Variants in GALNT5 observed in about 807,000 individuals in gnomAD.
GALNT5 encodes polypeptide N-acetylgalactosaminyltransferase 5.
Under a neutral mutation model 85.4 loss-of-function variants are expected in GALNT5, and 72 were observed. The ratio of observed to expected loss-of-function variants is 0.84; its 90% CI spans 0.70 to 1.03. The LOEUF is 1.03. GALNT5 is among the 50% of genes least tolerant of loss of function. The pLI, the probability that GALNT5 is intolerant of heterozygous loss-of-function variation, is 0.00. For missense variants in GALNT5, 1,137 were observed against 1,135.5 expected (o/e 1.00, Z -0.02); for synonymous variants, 404 against 397.0 (o/e 1.02, Z -0.21).
chr2:157,317,178 A>ATG lies in GALNT5; in HGVS notation c.*5831_*5832insGT, dbSNP rs1683727352. 1.5e-5 allele frequency among the ~76,000 whole-genome samples: 2 copies of ATG among 137,264 alleles called. No homozygotes were observed. The highest frequency in any genetic ancestry group is 3.1e-5 in the Non-Finnish European group (2 of 64,576). 90.1% of individuals were successfully genotyped at this position (137,264 alleles called of 152,430 possible). A position where few individuals can be genotyped will look rare whatever the true frequency, so the allele number is the denominator to read the frequency against. On this transcript the variant is annotated 3_prime_UTR_variant, in exon 10 of 10. Coordinates refer to ENST00000259056, the MANE Select transcript of GALNT5 (RefSeq NM_014568.3). ...GTAAATATACTGTATGTGTGTGTAT[A>ATG]TATATATATATATATATATATTTTT... is the stretch of plus-strand genomic sequence containing the variant.
At position 157,296,523 on chromosome 2, in the gene GALNT5, G is replaced by C; in HGVS notation, c.1997+10G>C. ...AAACTGATACAATAAGGTAAGTGTGGGAAATTTAAGACTAGAAAGCAGTCA... is the reference window on the plus strand; with the variant it reads ...AAACTGATACAATAAGGTAAGTGTGCGAAATTTAAGACTAGAAAGCAGTCA... On this transcript the variant is annotated intron_variant, in intron 5 of 9. Transcript: ENST00000259056. 1.9e-6 allele frequency: 3 copies of C among 1,599,814 alleles called. No individual in the cohort carries two copies. The highest frequency in any genetic ancestry group is 2.2e-5 in the East Asian group (1 of 44,654).
Position 157,286,035 on chromosome 2 carries a change from G to T in GALNT5, c.1642G>T (p.Asp548Tyr), listed in dbSNP as rs763045242. The T allele has an allele frequency of 1.2e-6, 2 of 1,600,056 alleles. No homozygotes were observed. The highest frequency in any genetic ancestry group is 1.7e-6 in the Non-Finnish European group (2 of 1,167,304). ...STKDYLKDNLDKYMSQFPKVR... is the reference protein window; with the variant it reads ...STKDYLKDNLYKYMSQFPKVR... ...TGTAGACTATCTAAAAGATAATTTG[G>T]ATAAATACATGTCCCAGTTTCCAAA... Residue 548 changes from aspartate to tyrosine, a missense_variant, in exon 3 of 10, where the codon GAT (aspartate) becomes TAT (tyrosine). Physicochemically the swap from Asp to Tyr is radical, Grantham distance 160 (BLOSUM62 -3). Coordinates refer to ENST00000259056, the MANE Select transcript of GALNT5 (RefSeq NM_014568.3).
chr2:157,278,880 TGGA>T (rs1201592669), intron 1 of GALNT5, among the ~76,000 whole-genome samples: 2 of 152,224 alleles, frequency 1.3e-5, no homozygotes, highest in Non-Finnish European at 2.9e-5. Context: ...TGCAATCCTT[TGGA>T]GGAGAAGAGG....
At chr2:157,266,158 G>A (rs988605134) in intron 1 of GALNT5, among the ~76,000 whole-genome samples, 1 of 152,180 alleles carries the variant, frequency 6.6e-6, no homozygotes, top group Admixed American at 6.5e-5. Context: ...CGCCATGCCA[G>A]GCAGTTGAGG....
Position 157,277,265 on chromosome 2 carries a change from G to C in GALNT5, c.1455-7017G>C, listed in dbSNP as rs144091641. On this transcript the variant is annotated intron_variant, in intron 1 of 9. Coordinates refer to ENST00000259056, the MANE Select transcript of GALNT5 (RefSeq NM_014568.3). Reference sequence around the variant, plus strand: ...AATTATGTGATCAATTTTAGAATAAGTGCGATGTGGTGCTAAGAAGAATAT... The same window carrying C: ...AATTATGTGATCAATTTTAGAATAACTGCGATGTGGTGCTAAGAAGAATAT... 8.6e-3 allele frequency among the ~76,000 whole-genome samples: 1,313 copies of C among 152,332 alleles called. 16 individuals carry two copies. Among genetic ancestry groups the C allele is most frequent in the Non-Finnish European group, 0.014 (976 of 68,032 alleles).
Position 157,259,208 on chromosome 2 carries a change from G to C in GALNT5, c.1126G>C (p.Val376Leu), listed in dbSNP as rs755669329. 6.3e-7 allele frequency: 1 copy of C among 1,583,726 alleles called. No individual in the cohort carries two copies. The highest frequency in any genetic ancestry group is 8.6e-7 in the Non-Finnish European group (1 of 1,169,146). ...MSSSSLAPHR[V>L]PLSQTNHALT... ...TTCCTCTTCACTTGCTCCACATAGA[G>C]TGCCACTGTCCCAAACTAACCATGC... Residue 376 changes from valine (V) to leucine (L), a missense_variant, in exon 1 of 10, where the codon GTG becomes CTG. By Grantham distance (32) the Val-to-Leu change is conservative. Transcript: ENST00000259056.
At chr2:157,286,893 AGTGTGTGT>A (rs3072178) in intron 3 of GALNT5, among the ~76,000 whole-genome samples, 87 of 135,890 alleles carry the variant, frequency 6.4e-4, no homozygotes, top group East Asian at 1.1e-3. Flanking sequence ...TTTAAATACC[AGTGTGTGT>A]GTGTGTGTGT....
intron 1 of GALNT5, among the ~76,000 whole-genome samples, chr2:157,268,172 C>T (rs1316247827): frequency 6.6e-6 from 1 of 152,164 alleles, no homozygotes; most frequent in Non-Finnish European, 1.5e-5. Context: ...TACATCTTGA[C>T]TGTCTCGGAA....
At chr2:157,268,322 C>T (rs371779853) in intron 1 of GALNT5, among the ~76,000 whole-genome samples, 133 of 152,244 alleles carry the variant, frequency 8.7e-4, no homozygotes, top group Non-Finnish European at 1.5e-3. Flanking sequence ...GAGGGTGGGA[C>T]GCATCACTTT....
chr2:157,275,882 C>A (rs760006550), intron 1 of GALNT5, among the ~76,000 whole-genome samples: 1 of 152,076 alleles, frequency 6.6e-6, no homozygotes, highest in African/African-American at 2.4e-5. Context: ...GTGAGAGGGG[C>A]AACTTGTCTT....
chr2:157,283,153 C>T (rs1039319941), intron 1 of GALNT5, among the ~76,000 whole-genome samples: 2 of 152,142 alleles, frequency 1.3e-5, no homozygotes, highest in African/African-American at 4.8e-5. Context: ...TTACTAACTG[C>T]AGAATCATGG....
chr2:157,307,991 CA>C (rs1265414791), intron 8 of GALNT5, among the ~76,000 whole-genome samples: 1 of 152,214 alleles, frequency 6.6e-6, no homozygotes, highest in African/African-American at 2.4e-5. Context: ...AACCTGGTAG[CA>C]ACCTGATGAT....
chr2:157,281,903 A>T (rs1385864976), intron 1 of GALNT5, among the ~76,000 whole-genome samples: 1 of 152,196 alleles, frequency 6.6e-6, no homozygotes, highest in African/African-American at 2.4e-5. Flanking sequence ...GTGCATACTG[A>T]TATCTTCTTT....
At chr2:157,282,608 G>C (rs1002459004) in intron 1 of GALNT5, among the ~76,000 whole-genome samples, 1 of 152,044 alleles carries the variant, frequency 6.6e-6, no homozygotes, top group African/African-American at 2.4e-5. Flanking sequence ...TAATCTTATA[G>C]GTACATGTTT....
chr2:157,296,883 A>G (rs546828829), intron 5 of GALNT5, among the ~76,000 whole-genome samples: 1 of 152,384 alleles, frequency 6.6e-6, no homozygotes, highest in South Asian at 2.1e-4. Context: ...TAGAAATATC[A>G]TTCTAATGAT....
At chr2:157,276,706 C>T (rs1682735161) in intron 1 of GALNT5, among the ~76,000 whole-genome samples, 1 of 151,864 alleles carries the variant, frequency 6.6e-6, no homozygotes, top group South Asian at 2.1e-4. Context: ...CTATTTGATT[C>T]TTCTCTCTTT....
chr2:157,294,784 C>CCACACACACA (rs60607353), intron 3 of GALNT5, among the ~76,000 whole-genome samples: 2 of 146,928 alleles, frequency 1.4e-5, no homozygotes, highest in African/African-American at 5.0e-5. Context: ...TCACATCACA[C>CCACACACACA]CACACACACA....
At position 157,300,835 on chromosome 2, in the gene GALNT5, CT is replaced by C. The variant is rs1453126321; in HGVS notation, c.2276del (p.Leu759ArgfsTer14). 2 of 1,613,916 alleles carry C rather than the reference CT, an allele frequency of 1.2e-6. No homozygotes were observed. Among genetic ancestry groups the C allele is most frequent in the Non-Finnish European group, 1.7e-6 (2 of 1,179,976 alleles). ...GGTCTGGCTGGATGAGTATAAGGAG[CT>C]GTTCTATGGCCACGGAGACCACCTC... is the stretch of plus-strand genomic sequence containing the variant. ...AEVWLDEYKE[L>X]FYGHGDHLID... On this transcript the variant is annotated frameshift_variant, in exon 7 of 10. Coordinates refer to ENST00000259056, the MANE Select transcript of GALNT5 (RefSeq NM_014568.3). LOFTEE classifies it high-confidence loss of function.
chr2:157,286,111 T>C lies in GALNT5; in HGVS notation c.1718T>C (p.Leu573Pro). The C allele has an allele frequency of 6.2e-7, 1 of 1,613,682 alleles. No homozygotes were observed. The highest frequency in any genetic ancestry group is 8.5e-7 in the Non-Finnish European group (1 of 1,179,564). The change falls in exon 3 of 10, where the codon CTG becomes CCG. Residue 573 changes from leucine to proline, a missense_variant. Physicochemically the swap from Leu to Pro is moderately conservative, Grantham distance 98. Coordinates refer to ENST00000259056, the MANE Select transcript of GALNT5 (RefSeq NM_014568.3). ...AGACATGGCTTAATAAGGGCCAGGC[T>C]GGCAGGAGCACAGAATGCAACAGGT... ...KERHGLIRAR[L>P]AGAQNATGDV...
Sources: gnomAD v4.1 joint callset for allele counts (sites outside exome capture counted in the v4.1 genomes callset) on GRCh38, gnomAD v4.1.1 for gene constraint, MANE v1.5 for transcripts, NCBI Gene and HGNC (gene_info 2026-07-23, HGNC 2026-07-21) for gene names.